The following HCK variants were observed in gnomAD, a reference collection of about 807,000 sequenced individuals.
HCK encodes HCK proto-oncogene, Src family tyrosine kinase.
A neutral mutation model predicts 70.4 loss-of-function variants in HCK; 40 were observed. The ratio of observed to expected loss-of-function variants is 0.57; its 90% CI spans 0.44 to 0.74. HCK has a LOEUF of 0.74. HCK is among the 30% of genes least tolerant of loss of function. The pLI, the probability that HCK is intolerant of heterozygous loss-of-function variation, is 0.00. For missense variants in HCK, 568 were observed against 697.2 expected, an observed-to-expected ratio of 0.81 and a Z score of 2.09; for synonymous variants, 245 against 263.2, an observed-to-expected ratio of 0.93 and a Z score of 0.67.
chr20:32,101,280 A>G, intron 12 of HCK, 37 bp from the exon 13 acceptor site: 1 of 1,600,446 alleles, frequency 6.2e-7, no homozygotes, highest in Non-Finnish European at 8.5e-7. Context: ...CTCATTTCCC[A>G]ACTGCTTCCG....
intron 6 of HCK, among the ~76,000 whole-genome samples, chr20:32,080,822 A>T (rs1478798272): frequency 1.3e-5 from 2 of 152,010 alleles, no homozygotes; most frequent in East Asian, 3.9e-4. Flanking sequence ...TGGTTTTTTT[A>T]AATACCCGTA....
chr20:32,076,495 A>G (rs1037446917), intron 5 of HCK, among the ~76,000 whole-genome samples: 2 of 152,190 alleles, frequency 1.3e-5, no homozygotes, highest in East Asian at 3.8e-4. Context: ...TAGTCCTTGC[A>G]GCAACCATGG....
rs1333978717 is a variant in HCK, at chr20:32,088,344, G to A, written c.1016-224G>A. On this transcript the variant is annotated intron_variant, in intron 9 of 12. Transcript: ENST00000375852. The stretch of plus-strand genomic sequence containing the variant: ...TGATCCCAGCCATCCAGGCTCAGGG[G>A]CTGTCTCAGTCACAGAATCCATCTA... 3.3e-5 allele frequency among the ~76,000 whole-genome samples: 5 copies of A among 152,256 alleles called. No homozygotes were observed. The South Asian group carries it at 1.0e-3, about 32-fold the overall frequency.
chr20:32,099,782 T>C (rs758769729), intron 12 of HCK, among the ~76,000 whole-genome samples: 1 of 152,172 alleles, frequency 6.6e-6, no homozygotes, highest in Non-Finnish European at 1.5e-5. Flanking sequence ...CTCCCATAGA[T>C]GGTGCAGCGG....
At chr20:32,069,349 G>T (rs771666516) in intron 1 of HCK, among the ~76,000 whole-genome samples, 2 of 152,200 alleles carry the variant, frequency 1.3e-5, no homozygotes, top group East Asian at 1.9e-4. Context: ...TGCTCAACGC[G>T]CATGGATTGG....
chr20:32,064,180 T>G (rs1171702847), intron 1 of HCK, among the ~76,000 whole-genome samples: 1 of 151,948 alleles, frequency 6.6e-6, no homozygotes, highest in African/African-American at 2.4e-5. Context: ...ATTTTTTGTA[T>G]TTTTAATAGA....
chr20:32,085,627 A>C (rs2045774014), intron 8 of HCK, among the ~76,000 whole-genome samples: 1 of 152,136 alleles, frequency 6.6e-6, no homozygotes, highest in Non-Finnish European at 1.5e-5. Flanking sequence ...AAGACGCTAG[A>C]CTCCTACTAC....
intron 6 of HCK, among the ~76,000 whole-genome samples, chr20:32,080,993 G>A (rs185375515): frequency 1.3e-5 from 2 of 152,100 alleles, no homozygotes; most frequent in Admixed American, 1.3e-4. Flanking sequence ...GAAGGGTGAG[G>A]CCAGATGATC....
intron 10 of HCK, among the ~76,000 whole-genome samples, chr20:32,093,518 T>TGTGTGTGTGA (rs2045892714): frequency 6.6e-6 from 1 of 151,706 alleles, no homozygotes; most frequent in African/African-American, 2.4e-5. Context: ...TGTGTGTGTG[T>TGTGTGTGTGA]GTGTGCATGT....
At chr20:32,063,529 A>G (rs1005688964) in intron 1 of HCK, among the ~76,000 whole-genome samples, 3 of 152,078 alleles carry the variant, frequency 2.0e-5, no homozygotes, top group Non-Finnish European at 4.4e-5. Flanking sequence ...GATTACAGGC[A>G]TGAGCCCCTG....
intron 1 of HCK, among the ~76,000 whole-genome samples, chr20:32,067,294 A>T (rs1431580365): frequency 6.6e-6 from 1 of 152,136 alleles, no homozygotes; most frequent in Non-Finnish European, 1.5e-5. Context: ...TATTCAATCC[A>T]TTCAGCATGT....
intron 12 of HCK, 149 bp downstream of exon 12, chr20:32,099,284 C>T (rs2045999673): frequency 1.3e-6 from 1 of 758,700 alleles, no homozygotes; most frequent in African/African-American, 1.8e-5. Context: ...CACCTCCATC[C>T]ATCTAATGTC....
At chr20:32,058,605 A>AACAT (rs1555873968) in intron 1 of HCK, among the ~76,000 whole-genome samples, 2 of 142,334 alleles carry the variant, frequency 1.4e-5, no homozygotes, top group East Asian at 4.2e-4. Flanking sequence ...TTTATGTCAA[A>AACAT]ACACACACAC....
Position 32,074,734 on chromosome 20 carries a change from T to A in HCK, c.428+13T>A. The A allele has an allele frequency of 6.3e-7, 1 of 1,590,742 alleles. No individual in the cohort carries two copies. The highest frequency in any genetic ancestry group is 8.6e-7 in the Non-Finnish European group (1 of 1,158,768). Reference sequence around the variant, plus strand: ...TGGAGACAGAGGAGTAAGTATCCTATTTCCTACCTTCCAGAAAGAGGCATG... The same window carrying A: ...TGGAGACAGAGGAGTAAGTATCCTAATTCCTACCTTCCAGAAAGAGGCATG... On this transcript the variant is annotated intron_variant, in intron 5 of 12. Transcript: ENST00000375852.
At chr20:32,092,383 A>C (rs2045876769) in intron 10 of HCK, among the ~76,000 whole-genome samples, 2 of 152,198 alleles carry the variant, frequency 1.3e-5, no homozygotes, top group South Asian at 2.1e-4. Flanking sequence ...GTAAACCAAA[A>C]GTGCTGCTTT....
At chr20:32,059,900 C>T (rs1361938033) in intron 1 of HCK, among the ~76,000 whole-genome samples, 1 of 152,064 alleles carries the variant, frequency 6.6e-6, no homozygotes, top group Admixed American at 6.6e-5. Flanking sequence ...AATACATACC[C>T]TTCAAAAAAT....
At chr20:32,058,794 A>G (rs149327631) in intron 1 of HCK, among the ~76,000 whole-genome samples, 4 of 152,174 alleles carry the variant, frequency 2.6e-5, no homozygotes, top group Non-Finnish European at 4.4e-5. Flanking sequence ...GGAGGTAGTC[A>G]TTAAAGGTGT....
Position 32,074,710 on chromosome 20 carries a change from G to A in HCK, c.417G>A (p.Leu139=). 6.2e-7 allele frequency: 1 copy of A among 1,611,268 alleles called. No homozygotes were observed. The highest frequency in any genetic ancestry group is 1.1e-5 in the South Asian group (1 of 91,006). The change falls in exon 5 of 13, where the codon CTG becomes CTA. Residue 139 remains leucine (L), a synonymous_variant. Transcript: ENST00000375852. Reference sequence around the variant, plus strand: ...ACTATGTCGCCCGCGTTGACTCTCTGGAGACAGAGGAGTAAGTATCCTATT... The same window carrying A: ...ACTATGTCGCCCGCGTTGACTCTCTAGAGACAGAGGAGTAAGTATCCTATT...
chr20:32,101,547 G>T lies in HCK; in HGVS notation c.*28G>T, dbSNP rs931033068. ...GGGAGGACCAGGGCAGGGCCAGGGG[G>T]TGCCCAGGTGGTGGCTGCAAGGTGG... On this transcript the variant is annotated 3_prime_UTR_variant, in exon 13 of 13. Coordinates refer to ENST00000375852, the MANE Select transcript of HCK (RefSeq NM_002110.5). 4 of 1,585,434 alleles carry T rather than the reference G, an allele frequency of 2.5e-6. No individual in the cohort carries two copies. Among genetic ancestry groups the T allele is most frequent in the South Asian group, 1.1e-5 (1 of 88,854 alleles).
Sources: allele counts gnomAD v4.1 joint callset (sites outside exome capture counted in the v4.1 genomes callset), GRCh38; gene constraint gnomAD v4.1.1; transcripts MANE v1.5; gene names NCBI Gene and HGNC (gene_info 2026-07-23, HGNC 2026-07-21).